GRPEL2: variants seen among roughly 807,000 people sequenced by gnomAD.
GRPEL2 encodes GrpE like 2, mitochondrial, also known as grpE protein homolog 2, mitochondrial.
In GRPEL2, 18 loss-of-function variants were observed where a neutral mutation model predicts 25.9. The ratio of observed to expected loss-of-function variants is 0.70; its 90% CI spans 0.48 to 1.03. The LOEUF (loss-of-function observed/expected upper bound fraction) is 1.03. Among genes scored for constraint, GRPEL2 ranks in the 50% least tolerant of loss-of-function variants. GRPEL2 has a pLI of 0.00. For synonymous variants in GRPEL2, 106 were observed against 107.9 expected (o/e 0.98, Z 0.11); for missense variants, 247 against 276.2 (o/e 0.89, Z 0.75).
intron 3 of GRPEL2, chr5:149,350,005 C>T: frequency 7.9e-6 from 4 of 508,212 alleles, no homozygotes; most frequent in South Asian, 3.2e-5. Context: ...GATCATGCCC[C>T]TACACTCCAG....
chr5:149,353,324 G>C lies in GRPEL2; in HGVS notation c.*2042G>C, dbSNP rs930043799. The stretch of plus-strand genomic sequence containing the variant: ...GCCTTCCATTCTGTGAGATTTGACA[G>C]ATGGTGACAATAAGAAAATGAGCTG... On this transcript the variant is annotated 3_prime_UTR_variant, in exon 4 of 4. Transcript: ENST00000329271. The C allele has an allele frequency of 1.3e-5, 2 of 152,452 alleles. No homozygotes were observed. Among genetic ancestry groups the C allele is most frequent in the Admixed American group, 1.3e-4 (2 of 15,278 alleles). 9.4% of individuals were successfully genotyped at this position (152,452 alleles called of 1,614,324 possible).
Position 149,352,461 on chromosome 5 carries a change from G to T in GRPEL2, c.*1179G>T, listed in dbSNP as rs1757792167. On this transcript the variant is annotated 3_prime_UTR_variant, in exon 4 of 4. Transcript: ENST00000329271. Reference sequence around the variant, plus strand: ...TTTTTGTTGTTTTTTTTTTTAAGTTGGTACTCACAAATCACTACCTCTGTT... The same window carrying T: ...TTTTTGTTGTTTTTTTTTTTAAGTTTGTACTCACAAATCACTACCTCTGTT... 1 of 150,790 alleles carries T rather than the reference G, an allele frequency of 6.6e-6. No individual in the cohort carries two copies. 9.3% of individuals were successfully genotyped at this position (150,790 alleles called of 1,614,324 possible).
Position 149,353,147 on chromosome 5 carries a change from C to A in GRPEL2, c.*1865C>A, listed in dbSNP as rs1377735919. 2.0e-5 allele frequency: 3 copies of A among 152,490 alleles called. No homozygotes were observed. The highest frequency in any genetic ancestry group is 7.2e-5 in the African/African-American group (3 of 41,380). 9.4% of individuals were successfully genotyped at this position (152,490 alleles called of 1,614,324 possible). ...CTTACCATCTTCATCAGATTTAGAC[C>A]CTTAAAAAACAAGTAAATATGCACT... is the stretch of plus-strand genomic sequence containing the variant. On this transcript the variant is annotated 3_prime_UTR_variant, in exon 4 of 4. Coordinates refer to ENST00000329271, the MANE Select transcript of GRPEL2 (RefSeq NM_152407.4).
Position 149,351,310 on chromosome 5 carries a change from C to G in GRPEL2, c.*28C>G, listed in dbSNP as rs778495465. On this transcript the variant is annotated 3_prime_UTR_variant, in exon 4 of 4. Coordinates refer to ENST00000329271, the MANE Select transcript of GRPEL2 (RefSeq NM_152407.4). ...AGGCCATCAGGAACTGGATGTTCTC[C>G]CAGAGCGCAGTCACCTATGTTTCTT... The G allele has an allele frequency of 1.3e-6, 2 of 1,581,400 alleles. No homozygotes were observed. Among genetic ancestry groups the G allele is most frequent in the African/African-American group, 2.7e-5 (2 of 73,816 alleles).
At position 149,352,560 on chromosome 5, in the gene GRPEL2, A is replaced by T. The variant is rs556501078; in HGVS notation, c.*1278A>T. ...TGTGTAAACATTGAGCTCACCTTTTATATATTAACCTCTAGAATTAATGGG... is the reference window on the plus strand; with the variant it reads ...TGTGTAAACATTGAGCTCACCTTTTTTATATTAACCTCTAGAATTAATGGG... On this transcript the variant is annotated 3_prime_UTR_variant, in exon 4 of 4. Coordinates refer to ENST00000329271, the MANE Select transcript of GRPEL2 (RefSeq NM_152407.4). The T allele has an allele frequency of 6.6e-6, 1 of 151,852 alleles. No homozygotes were observed. The highest frequency in any genetic ancestry group is 1.9e-4 in the East Asian group (1 of 5,172). 9.4% of individuals were successfully genotyped at this position (151,852 alleles called of 1,614,324 possible).
chr5:149,345,556 T>C lies in GRPEL2; in HGVS notation c.17T>C (p.Leu6Pro). The change falls in exon 1 of 4, where the codon CTG (leucine) becomes CCG (proline). Residue 6 changes from leucine to proline, a missense_variant. By Grantham distance (98) the Leu-to-Pro change is moderately conservative. Transcript: ENST00000329271. ...ATTGGAAACATGGCCGTACGGTCGC[T>C]GTGGGCGGGCCGGCTGCGGGTGCAG... The part of the protein sequence containing the change: MAVRS[L>P]WAGRLRVQRL... 1 of 1,611,908 alleles carries C rather than the reference T, an allele frequency of 6.2e-7. No homozygotes were observed.
In GRPEL2 at chr5:149,352,112, T is replaced by G. The variant is rs1206349726; in HGVS notation, c.*830T>G. 1 of 152,224 alleles carries G rather than the reference T, an allele frequency of 6.6e-6. No individual in the cohort carries two copies. Among genetic ancestry groups the G allele is most frequent in the Non-Finnish European group, 1.5e-5 (1 of 68,044 alleles). 9.4% of individuals were successfully genotyped at this position (152,224 alleles called of 1,614,324 possible). A position where few individuals can be genotyped will look rare whatever the true frequency, so the allele number is the denominator to read the frequency against. ...TACAACTTATTCCACCAGCCTTTAC[T>G]CCTCTGCCCTTTTGTCAATTTTACC... On this transcript the variant is annotated 3_prime_UTR_variant, in exon 4 of 4. Transcript: ENST00000329271.
At chr5:149,346,386 G>C (rs1757688935) in intron 1 of GRPEL2, among the ~76,000 whole-genome samples, 1 of 152,222 alleles carries the variant, frequency 6.6e-6, no homozygotes, top group Non-Finnish European at 1.5e-5. Flanking sequence ...CCTCTGAATA[G>C]TAAAGTAAGC....
At chr5:149,350,033 G>A (rs1757751652) in intron 3 of GRPEL2, among the ~76,000 whole-genome samples, 1 of 151,696 alleles carries the variant, frequency 6.6e-6, no homozygotes. Context: ...AACAGAATGA[G>A]ACTCAGTCTC....
chr5:149,346,407 T>A (rs916777618), intron 1 of GRPEL2, among the ~76,000 whole-genome samples: 5 of 152,130 alleles, frequency 3.3e-5, no homozygotes, highest in South Asian at 4.1e-4. Flanking sequence ...TACGGGAGAA[T>A]CTGGTAAATG....
At chr5:149,346,705 G>C (rs1757694816) in intron 1 of GRPEL2, among the ~76,000 whole-genome samples, 1 of 135,960 alleles carries the variant, frequency 7.4e-6, no homozygotes, top group Non-Finnish European at 1.5e-5. Flanking sequence ...CCTTTGAACT[G>C]GCCCTGAGAA....
At chr5:149,349,196 A>G (rs563975169) in intron 2 of GRPEL2, among the ~76,000 whole-genome samples, 2 of 152,256 alleles carry the variant, frequency 1.3e-5, no homozygotes, top group South Asian at 2.1e-4. Flanking sequence ...GGGTTTTACC[A>G]TGTTGGCCAG....
intron 3 of GRPEL2, 134 bp downstream of exon 3, chr5:149,349,869 C>T: frequency 1.5e-6 from 1 of 656,034 alleles, no homozygotes; most frequent in Non-Finnish European, 2.7e-6. Flanking sequence ...GCCAACATGA[C>T]ACCTCGTCTC....
At chr5:149,347,473 G>A (rs981828718) in intron 1 of GRPEL2, among the ~76,000 whole-genome samples, 15 of 152,126 alleles carry the variant, frequency 9.9e-5, no homozygotes, top group Non-Finnish European at 1.0e-4. Flanking sequence ...CCTTGAACTG[G>A]GCCAGGTCAG....
chr5:149,351,507 GC>G lies in GRPEL2; in HGVS notation c.*227del. On this transcript the variant is annotated 3_prime_UTR_variant, in exon 4 of 4. Coordinates refer to ENST00000329271, the MANE Select transcript of GRPEL2 (RefSeq NM_152407.4). ...GAACAGTGTGACAGGTGTTCCAATG[GC>G]CTTTATCAAAACATGTTTAGGAAAA... 1 of 425,668 alleles carries G rather than the reference GC, an allele frequency of 2.3e-6. No individual in the cohort carries two copies. Among genetic ancestry groups the G allele is most frequent in the East Asian group, 3.8e-5 (1 of 26,390 alleles). The allele number at this position is 425,668 out of a possible 1,614,324, so 26.4% of individuals were successfully genotyped here.
At chr5:149,347,500 G>A (rs1328790628) in intron 1 of GRPEL2, among the ~76,000 whole-genome samples, 1 of 152,210 alleles carries the variant, frequency 6.6e-6, no homozygotes, top group Non-Finnish European at 1.5e-5. Context: ...CACAGCCCAA[G>A]ATTTGCTGTA....
intron 2 of GRPEL2, among the ~76,000 whole-genome samples, 191 bp from the exon 3 acceptor site, chr5:149,349,463 G>T (rs377235494): frequency 6.6e-6 from 1 of 152,198 alleles, no homozygotes; most frequent in African/African-American, 2.4e-5. Flanking sequence ...TGACTACCTA[G>T]CAGTGCTGCT....
In GRPEL2 at chr5:149,350,910, C is replaced by A. The variant is rs774967016; in HGVS notation, c.314-8C>A. 5.0e-6 allele frequency: 8 copies of A among 1,610,144 alleles called. No homozygotes were observed. ...CACAAACAATAAAAATAACTGGCTT[C>A]TCTGCAGGAATCCAGAGTTTCTGTA... On this transcript the variant is annotated splice_polypyrimidine_tract_variant and splice_region_variant and intron_variant, in intron 3 of 3. Transcript: ENST00000329271.
chr5:149,347,078 GAGA>G (rs753100794), intron 1 of GRPEL2, among the ~76,000 whole-genome samples: 4 of 152,072 alleles, frequency 2.6e-5, no homozygotes, highest in Non-Finnish European at 4.4e-5. Context: ...TTTTTTTAGG[GAGA>G]AGATGTTTCA....
Sources: allele counts gnomAD v4.1 joint callset (sites outside exome capture counted in the v4.1 genomes callset), GRCh38; gene constraint gnomAD v4.1.1; transcripts MANE v1.5; gene names NCBI Gene and HGNC (gene_info 2026-07-23, HGNC 2026-07-21).